Variants in MAN1A1 observed in about 807,000 individuals in gnomAD.
The protein encoded by MAN1A1 is mannosyl-oligosaccharide 1,2-alpha-mannosidase IA.
In MAN1A1, 29 loss-of-function variants were observed where a neutral mutation model predicts 70.8. That is an observed-to-expected ratio of 0.41 (90% CI 0.31 to 0.56). The LOEUF (loss-of-function observed/expected upper bound fraction) is 0.56. Among genes scored for constraint, MAN1A1 ranks in the 20% least tolerant of loss-of-function variants. The pLI is 0.29. For synonymous variants in MAN1A1, 349 were observed against 330.1 expected, an observed-to-expected ratio of 1.06 and a Z score of -0.62; for missense variants, 747 against 841.3, an observed-to-expected ratio of 0.89 and a Z score of 1.39.
At chr6:119,261,508 C>T (rs185300578) in intron 5 of MAN1A1, among the ~76,000 whole-genome samples, 1 of 152,154 alleles carries the variant, frequency 6.6e-6, no homozygotes, top group African/African-American at 2.4e-5. Context: ...CATAATAACA[C>T]TTGTTTTTGA....
chr6:119,319,357 A>C, intron 2 of MAN1A1, among the ~76,000 whole-genome samples: 1 of 143,818 alleles, frequency 7.0e-6, no homozygotes, highest in Non-Finnish European at 1.5e-5. Context: ...TCAAAATGGT[A>C]AAAATAATAA....
At chr6:119,266,249 T>G (rs984678797) in intron 5 of MAN1A1, among the ~76,000 whole-genome samples, 7 of 152,160 alleles carry the variant, frequency 4.6e-5, no homozygotes, top group Non-Finnish European at 1.0e-4. Flanking sequence ...ACAAACTGAT[T>G]ATGAAGTTTA....
intron 6 of MAN1A1, among the ~76,000 whole-genome samples, chr6:119,210,649 A>G (rs1216586708): frequency 1.4e-5 from 2 of 144,644 alleles, no homozygotes; most frequent in Non-Finnish European, 3.0e-5. Context: ...TTGCCACTAT[A>G]AACAATTCAG....
intron 5 of MAN1A1, among the ~76,000 whole-genome samples, chr6:119,260,669 A>G (rs1227698266): frequency 6.6e-6 from 1 of 152,198 alleles, no homozygotes; most frequent in Non-Finnish European, 1.5e-5. Context: ...AGGCTTTAAC[A>G]TATTTTCATA....
intron 9 of MAN1A1, among the ~76,000 whole-genome samples, chr6:119,192,205 A>C (rs1251978327): frequency 2.0e-5 from 3 of 152,176 alleles, no homozygotes; most frequent in African/African-American, 7.2e-5. Flanking sequence ...AGATTAGAAT[A>C]ATTAAAATGT....
At chr6:119,280,960 C>T (rs1355195282) in intron 5 of MAN1A1, among the ~76,000 whole-genome samples, 3 of 152,224 alleles carry the variant, frequency 2.0e-5, no homozygotes, top group Non-Finnish European at 2.9e-5. Flanking sequence ...CCAGGCAACA[C>T]GGCAGGCCGC....
intron 4 of MAN1A1, among the ~76,000 whole-genome samples, chr6:119,291,436 A>C (rs1052470965): frequency 6.6e-6 from 1 of 152,036 alleles, no homozygotes; most frequent in African/African-American, 2.4e-5. Flanking sequence ...AATTACAAAA[A>C]TATTTGTCAA....
At chr6:119,215,864 T>C (rs925762050) in intron 6 of MAN1A1, among the ~76,000 whole-genome samples, 1 of 152,038 alleles carries the variant, frequency 6.6e-6, no homozygotes, top group African/African-American at 2.4e-5. Context: ...AAATAGAAAA[T>C]AAAACAGGTT....
intron 3 of MAN1A1, among the ~76,000 whole-genome samples, chr6:119,303,287 T>C (rs1582786391): frequency 6.6e-6 from 1 of 152,286 alleles, no homozygotes; most frequent in East Asian, 1.9e-4. Flanking sequence ...TCCAGAGTAC[T>C]AGAATTAGAG....
chr6:119,314,561 ACT>A (rs900445965), intron 2 of MAN1A1, among the ~76,000 whole-genome samples: 7 of 151,562 alleles, frequency 4.6e-5, no homozygotes, highest in African/African-American at 1.7e-4. Context: ...AAGGCTGGAA[ACT>A]CTCTCACGCT....
intron 6 of MAN1A1, among the ~76,000 whole-genome samples, chr6:119,231,556 T>C (rs751997048): frequency 5.3e-5 from 8 of 152,148 alleles, no homozygotes; most frequent in Non-Finnish European, 8.8e-5. Context: ...ACTGAGGAGC[T>C]TTCATCTAGA....
rs772846677 is a variant in MAN1A1 at position 119,348,522 on chromosome 6, C to T, written c.544G>A (p.Val182Met). Residue 182 changes from valine (V) to methionine (M), a missense_variant, in exon 2 of 13, where the codon GTG (valine) becomes ATG (methionine). By Grantham distance (21) the Val-to-Met change is conservative. Around this residue, in one of 2 missense-constraint regions of MAN1A1, gnomAD observed 328 missense variants for 293.1 expected, o/e 1.12. Coordinates refer to ENST00000368468, the MANE Select transcript of MAN1A1 (RefSeq NM_005907.4). Reference sequence around the variant, plus strand: ...GCGTCGGCGGGCTCCCGGCTCTCCACCCCGATTGGGGGCACGAAGTCCACC... The same window carrying T: ...GCGTCGGCGGGCTCCCGGCTCTCCATCCCGATTGGGGGCACGAAGTCCACC... ...PPVDFVPPIG[V>M]ESREPADAAI... 8 of 1,612,308 alleles carry T rather than the reference C, an allele frequency of 5.0e-6. No homozygotes were observed. The South Asian group carries it at 6.6e-5, about 13-fold the overall frequency.
At chr6:119,188,224 A>G (rs1773344653) in intron 11 of MAN1A1, among the ~76,000 whole-genome samples, 181 bp downstream of exon 11, 1 of 152,248 alleles carries the variant, frequency 6.6e-6, no homozygotes, top group Admixed American at 6.5e-5. Flanking sequence ...ATGTTATACA[A>G]AGCAAAGCTG....
rs556271848 is a variant in MAN1A1 at position 119,181,196 on chromosome 6, G to A, written c.1720-769C>T. Among the ~76,000 whole-genome samples, 7 of 152,246 alleles carry A rather than the reference G, an allele frequency of 4.6e-5. No homozygotes were observed. The South Asian group carries it at 1.0e-3, about 23-fold the overall frequency. The stretch of plus-strand genomic sequence containing the variant: ...AAGAGACTAGCTGGCTGTCCCCCAA[G>A]CCTGATATTGTCTGGCCCTTAACAG... On this transcript the variant is annotated intron_variant, in intron 11 of 12. Transcript: ENST00000368468.
In MAN1A1 at chr6:119,316,240, C is replaced by T. The variant is rs142685284; in HGVS notation, c.604-9248G>A. On this transcript the variant is annotated intron_variant, in intron 2 of 12. Transcript: ENST00000368468. The stretch of plus-strand genomic sequence containing the variant: ...TTGCCCAGGCTGGAATGCAGTGGCG[C>T]GATCTTGGCTCACTGCAATCTCCAC... Among the ~76,000 whole-genome samples the T allele has an allele frequency of 4.1e-3, 591 of 143,484 alleles. 3 individuals carry two copies. Among genetic ancestry groups the T allele is most frequent in the Non-Finnish European group, 6.5e-3 (435 of 67,060 alleles). The allele number at this position is 143,484 out of a possible 152,430, so 94.1% of individuals were successfully genotyped here. A position where few individuals can be genotyped will look rare whatever the true frequency, so the allele number is the denominator to read the frequency against.
At chr6:119,332,806 A>G (rs1181139043) in intron 2 of MAN1A1, among the ~76,000 whole-genome samples, 1 of 145,254 alleles carries the variant, frequency 6.9e-6, no homozygotes, top group Non-Finnish European at 1.5e-5. Flanking sequence ...AAAAAAAGCC[A>G]ATTGAGGAAT....
chr6:119,333,433 G>A (rs545382614), intron 2 of MAN1A1, among the ~76,000 whole-genome samples: 2 of 152,248 alleles, frequency 1.3e-5, no homozygotes, highest in Admixed American at 1.3e-4. Context: ...GTCTTCTGAC[G>A]TGTGTAACAT....
At chr6:119,198,901 A>G (rs1042646886) in intron 8 of MAN1A1, among the ~76,000 whole-genome samples, 1 of 152,258 alleles carries the variant, frequency 6.6e-6, no homozygotes, top group Admixed American at 6.5e-5. Context: ...ACAATAGTCA[A>G]CAAGTGGTTT....
chr6:119,192,056 T>C (rs1773456142), intron 9 of MAN1A1, among the ~76,000 whole-genome samples: 1 of 152,232 alleles, frequency 6.6e-6, no homozygotes, highest in Non-Finnish European at 1.5e-5. Context: ...TCTTAATGGA[T>C]TTTCCTGTCA....
Sources: allele counts gnomAD v4.1 joint callset (sites outside exome capture counted in the v4.1 genomes callset), GRCh38; gene constraint gnomAD v4.1.1; regional missense constraint gnomAD v4.1.1; transcripts MANE v1.5; gene names NCBI Gene and HGNC (gene_info 2026-07-23, HGNC 2026-07-21).